Variants in ORC3 observed in about 807,000 individuals in gnomAD.
ORC3 encodes homolog of latheo, Drosophila.
In ORC3, 78 loss-of-function variants were observed where a neutral mutation model predicts 100.7. The observed-to-expected ratio is 0.77, with a 90% CI of 0.65 to 0.94. The LOEUF (loss-of-function observed/expected upper bound fraction) is 0.94. Ranked by LOEUF, ORC3 falls within the 40% of genes least tolerant of loss-of-function variation. ORC3 has a pLI of 0.00. For missense variants in ORC3, 789 were observed against 823.9 expected, an observed-to-expected ratio of 0.96 and a Z score of 0.52; for synonymous variants, 295 against 289.3, an observed-to-expected ratio of 1.02 and a Z score of -0.20.
chr6:87,620,442 T>C (rs961568775), intron 9 of ORC3, among the ~76,000 whole-genome samples: 2 of 152,228 alleles, frequency 1.3e-5, no homozygotes, highest in Non-Finnish European at 2.9e-5. Flanking sequence ...GGGTATCTTG[T>C]TGTCAGCATT....
chr6:87,630,576 A>G (rs1380139819), intron 11 of ORC3, among the ~76,000 whole-genome samples: 1 of 152,214 alleles, frequency 6.6e-6, no homozygotes, highest in East Asian at 1.9e-4. Context: ...TGTATCAGGG[A>G]GACAGACAAT....
chr6:87,612,302 A>G (rs1024309099), intron 8 of ORC3, 54 bp downstream of exon 8: 14 of 1,267,952 alleles, frequency 1.1e-5, no homozygotes, highest in Non-Finnish European at 1.5e-5. Context: ...ACTGCCAATA[A>G]TAGATTGTTA....
At chr6:87,621,522 A>G (rs1482852001) in intron 10 of ORC3, 35 bp downstream of exon 10, 1 of 1,460,272 alleles carries the variant, frequency 6.8e-7, no homozygotes, top group East Asian at 2.4e-5. Flanking sequence ...CACATACTAT[A>G]CTAGAATTTG....
chr6:87,676,056 G>T, the ORC3 span: 1 of 701,950 alleles, frequency 1.4e-6, no homozygotes, highest in Non-Finnish European at 2.4e-6. Context: ...AACCTCAGTA[G>T]TACTAATAGT....
At chr6:87,612,567 A>G (rs1216569556) in intron 8 of ORC3, among the ~76,000 whole-genome samples, 1 of 152,172 alleles carries the variant, frequency 6.6e-6, no homozygotes, top group Non-Finnish European at 1.5e-5. Context: ...CAGAATTTGT[A>G]GACTTTGTAG....
intron 11 of ORC3, among the ~76,000 whole-genome samples, chr6:87,622,717 A>G (rs1779624353): frequency 6.6e-6 from 1 of 152,134 alleles, no homozygotes; most frequent in Non-Finnish European, 1.5e-5. Flanking sequence ...ATTTCATTCT[A>G]GATAGAGTCT....
chr6:87,664,160 T>C (rs979903913), intron 17 of ORC3, among the ~76,000 whole-genome samples: 4 of 152,098 alleles, frequency 2.6e-5, no homozygotes, highest in African/African-American at 9.7e-5. Flanking sequence ...GGATATATTA[T>C]AATATACCCC....
At chr6:87,670,206 T>G (rs1047054339), downstream of ORC3, among the ~76,000 whole-genome samples, 1 of 152,144 alleles carries the variant, frequency 6.6e-6, no homozygotes, top group African/African-American at 2.4e-5. Context: ...AATTTCACTC[T>G]GTCACCCAGA....
intron 13 of ORC3, among the ~76,000 whole-genome samples, chr6:87,641,523 T>C (rs191711348): frequency 6.6e-6 from 1 of 152,304 alleles, no homozygotes; most frequent in African/African-American, 2.4e-5. Context: ...ACACTAGTCA[T>C]ATTGGCACAG....
chr6:87,675,586 G>A, the ORC3 span: 1 of 1,614,020 alleles, frequency 6.2e-7, no homozygotes. Context: ...CACAAATGCA[G>A]GATACGTGAT....
intron 11 of ORC3, among the ~76,000 whole-genome samples, chr6:87,626,635 A>G (rs1779916866): frequency 6.6e-6 from 1 of 152,126 alleles, no homozygotes; most frequent in East Asian, 1.9e-4. Context: ...AAAATACAAA[A>G]AATTATCCAA....
rs1029517470 is a variant in ORC3, at chr6:87,667,273, C to A, written c.*150C>A. Reference sequence around the variant, plus strand: ...TTAACCAGAAAAGTACATTGCTAACCCCAAACAGGCATGTATCAAAACACC... The same window carrying A: ...TTAACCAGAAAAGTACATTGCTAACACCAAACAGGCATGTATCAAAACACC... On this transcript the variant is annotated 3_prime_UTR_variant, in exon 20 of 20. Transcript: ENST00000392844. The A allele has an allele frequency of 7.4e-6, 4 of 538,404 alleles. No homozygotes were observed. Among genetic ancestry groups the A allele is most frequent in the Non-Finnish European group, 1.3e-5 (4 of 307,068 alleles). The allele number at this position is 538,404 out of a possible 1,614,324, so 33.4% of individuals were successfully genotyped here.
intron 13 of ORC3, among the ~76,000 whole-genome samples, chr6:87,642,548 A>C (rs1169530555): frequency 6.6e-6 from 1 of 152,148 alleles, no homozygotes; most frequent in Non-Finnish European, 1.5e-5. Context: ...ACACCACTGC[A>C]CTCCAGCCTG....
intron 16 of ORC3, 28 bp from the exon 17 acceptor site, chr6:87,662,975 A>T (rs1770311212): frequency 6.4e-7 from 1 of 1,554,118 alleles, no homozygotes; most frequent in Non-Finnish European, 8.8e-7. Context: ...TGCTTATCTA[A>T]ACATGGATGC....
In ORC3 at chr6:87,636,482, C is replaced by T. The variant is rs772304990; in HGVS notation, c.1378C>T (p.Leu460=). ...GGAGTATGCATCAGTCTTGCAGCTG[C>T]TGAGGTAGTTTTGTTTTTTCTTGTT... ...SEEYASVLQL[L]RMLAKDELMT... Residue 460 remains leucine, a synonymous_variant, in exon 13 of 20, where the codon CTG becomes TTG. Coordinates refer to ENST00000392844, the MANE Select transcript of ORC3 (RefSeq NM_012381.4). The T allele has an allele frequency of 2.6e-5, 41 of 1,606,814 alleles. No individual in the cohort carries two copies. The highest frequency in any genetic ancestry group is 1.3e-4 in the Admixed American group (8 of 59,930).
chr6:87,623,930 G>A (rs533442436), intron 11 of ORC3, among the ~76,000 whole-genome samples: 60 of 152,098 alleles, frequency 3.9e-4, no homozygotes, highest in Admixed American at 1.3e-3. Context: ...TGACATTTAT[G>A]TCTGCTTTTC....
At chr6:87,637,256 A>C (rs1235457793) in intron 13 of ORC3, among the ~76,000 whole-genome samples, 1 of 152,218 alleles carries the variant, frequency 6.6e-6, no homozygotes, top group East Asian at 1.9e-4. Flanking sequence ...CCCACAAGAA[A>C]AGAACAGATG....
At chr6:87,640,976 G>T (rs947212467) in intron 13 of ORC3, among the ~76,000 whole-genome samples, 1 of 152,120 alleles carries the variant, frequency 6.6e-6, no homozygotes, top group Non-Finnish European at 1.5e-5. Flanking sequence ...AGGCGTGGTG[G>T]CAAGCACCTC....
intron 16 of ORC3, among the ~76,000 whole-genome samples, chr6:87,658,517 C>G (rs1166604876): frequency 6.6e-6 from 1 of 151,688 alleles, no homozygotes; most frequent in East Asian, 1.9e-4. Flanking sequence ...GATGTCTAAT[C>G]AAATGACTTA....
Sources: allele counts gnomAD v4.1 joint callset (sites outside exome capture counted in the v4.1 genomes callset), GRCh38; gene constraint gnomAD v4.1.1; transcripts MANE v1.5; gene names NCBI Gene and HGNC (gene_info 2026-07-23, HGNC 2026-07-21).